The following UPRT variants were observed in gnomAD, a reference collection of about 807,000 sequenced individuals.
UPRT encodes the protein uracil phosphoribosyltransferase homolog.
In UPRT, 5 loss-of-function variants were observed where a neutral mutation model predicts 22.6. That is an observed-to-expected ratio of 0.22 (90% CI 0.12 to 0.47). UPRT has a LOEUF of 0.47. UPRT is among the 20% of genes least tolerant of loss of function. The pLI, the probability that UPRT is intolerant of heterozygous loss-of-function variation, is 0.99. For synonymous variants in UPRT, 77 were observed against 87.7 expected (o/e 0.88, Z 0.68); for missense variants, 181 against 239.9 (o/e 0.75, Z 1.62).
chrX:75,235,501 C>A (rs1337001848), intron 4 of UPRT, among the ~76,000 whole-genome samples: 1 of 111,928 alleles, frequency 8.9e-6, no homozygotes, highest in Admixed American at 9.5e-5. Flanking sequence ...GAATTTTAGA[C>A]CAATATCCTT....
intron 4 of UPRT, among the ~76,000 whole-genome samples, chrX:75,240,834 C>T (rs1446723560): frequency 2.7e-5 from 3 of 111,488 alleles, no homozygotes; most frequent in Non-Finnish European, 3.8e-5. Flanking sequence ...GGGGAAAGGA[C>T]ACCCTATTCA....
rs964124676 is a variant in UPRT, at chrX:75,282,409, T to A, written c.386+7769T>A. ...GATGTAGGTGTTTAGGGCTGTGAAC[T>A]TCCCTCTTAGCACTGCCTTTGCTGT... On this transcript the variant is annotated intron_variant, in intron 1 of 6. Transcript: ENST00000373383. 4.5e-5 allele frequency among the ~76,000 whole-genome samples: 5 copies of A among 110,884 alleles called. No homozygotes were observed. In the Admixed American group the frequency reaches 4.8e-4, roughly 11 times the overall value.
chrX:75,297,171 T>G (rs1210538463), intron 3 of UPRT, among the ~76,000 whole-genome samples: 2 of 111,854 alleles, frequency 1.8e-5, no homozygotes, highest in Non-Finnish European at 3.8e-5. Flanking sequence ...ATGGGGTATA[T>G]AGCATTCTCA....
chrX:75,296,588 T>C (rs760648192), intron 3 of UPRT, among the ~76,000 whole-genome samples, 177 bp downstream of exon 3: 3 of 111,773 alleles, frequency 2.7e-5, no homozygotes, highest in Non-Finnish European at 5.6e-5. Context: ...TCTGTGTAGA[T>C]GACTTTTTGT....
intron 2 of UPRT, among the ~76,000 whole-genome samples, chrX:75,162,584 G>C (rs776158755): frequency 1.9e-4 from 21 of 111,407 alleles, no homozygotes; most frequent in Non-Finnish European, 4.0e-4. Flanking sequence ...GGGTGGATAG[G>C]CTTGAGTGTG....
intron 4 of UPRT, among the ~76,000 whole-genome samples, chrX:75,191,397 G>C (rs2082314465): frequency 8.9e-6 from 1 of 111,992 alleles, no homozygotes; most frequent in South Asian, 3.8e-4. Flanking sequence ...ATTAGGGGGT[G>C]CTTCCCAGTT....
At chrX:75,178,380 A>G (rs771415360) in intron 4 of UPRT, among the ~76,000 whole-genome samples, 24 of 111,789 alleles carry the variant, frequency 2.1e-4, no homozygotes, top group Non-Finnish European at 3.2e-4. Context: ...GCTCAGCGAT[A>G]GGCGATGGTC....
At chrX:75,166,776 C>T (rs749833210) in intron 3 of UPRT, among the ~76,000 whole-genome samples, 2 of 112,054 alleles carry the variant, frequency 1.8e-5, no homozygotes, top group Admixed American at 9.4e-5. Flanking sequence ...CTAAAGACAT[C>T]CTTACTTTGG....
chrX:75,294,769 C>A, intron 2 of UPRT: 1 of 284,655 alleles, frequency 3.5e-6, no homozygotes, highest in Non-Finnish European at 5.2e-6. Context: ...TTTTATCAAA[C>A]CAAAAGAACA....
chrX:75,181,097 G>A (rs1212938944), intron 4 of UPRT, among the ~76,000 whole-genome samples: 1 of 110,873 alleles, frequency 9.0e-6, no homozygotes, highest in Non-Finnish European at 1.9e-5. Flanking sequence ...TTAGCACCAT[G>A]TATTGAATAG....
rs969693639 is a variant in UPRT, at chrX:75,213,763, A to G, written c.-447+45884A>G. Among the ~76,000 whole-genome samples the G allele has an allele frequency of 8.0e-5, 9 of 112,028 alleles. No homozygotes were observed. The Admixed American group carries it at 8.5e-4, about 11-fold the overall frequency. On this transcript the variant is annotated intron_variant, in intron 4 of 13. Transcript: ENST00000652605. ...GTTTACTACATAATGATGAGGGCCA[A>G]TTATACAACAGGGCTAACAATCCTT...
At chrX:75,219,743 A>G (rs1451615943) in intron 4 of UPRT, among the ~76,000 whole-genome samples, 1 of 111,423 alleles carries the variant, frequency 9.0e-6, no homozygotes, top group Non-Finnish European at 1.9e-5. Flanking sequence ...AGAGTTAAAG[A>G]GAAATGCAGA....
At position 75,231,665 on chromosome X, in the gene UPRT, A is replaced by G. The variant is rs1464783568; in HGVS notation, c.-446-59359A>G. On this transcript the variant is annotated intron_variant, in intron 4 of 13. Coordinates refer to the UPRT transcript ENST00000652605. ...CACAGTCATCAGGTTATCTAAAGTC[A>G]AGACAAAGAAAAGAATCTTAAGAGC... is the stretch of plus-strand genomic sequence containing the variant. Among the ~76,000 whole-genome samples the G allele has an allele frequency of 6.2e-5, 7 of 112,030 alleles. No homozygotes were observed. The Admixed American group carries it at 6.6e-4, about 11-fold the overall frequency.
intron 4 of UPRT, among the ~76,000 whole-genome samples, chrX:75,243,947 C>T (rs770161539): frequency 1.6e-4 from 18 of 111,871 alleles, no homozygotes; most frequent in African/African-American, 5.8e-4. Context: ...GTTGATGCCA[C>T]TTTTCAAATG....
intron 4 of UPRT, 56 bp from the exon 5 acceptor site, chrX:75,299,679 C>T: frequency 1.5e-5 from 17 of 1,126,684 alleles, no homozygotes; most frequent in Non-Finnish European, 1.9e-5. Context: ...TTGGCCTGTT[C>T]TTGGACTTTC....
chrX:75,265,472 TGGCTACTGA>T (rs2082585082), intron 4 of UPRT, among the ~76,000 whole-genome samples: 1 of 112,382 alleles, frequency 8.9e-6, no homozygotes, highest in South Asian at 3.7e-4. Flanking sequence ...TTGATCGAAT[TGGCTACTGA>T]GGCTTGTGCC....
At chrX:75,210,342 A>G (rs1477066071) in intron 4 of UPRT, among the ~76,000 whole-genome samples, 5 of 111,296 alleles carry the variant, frequency 4.5e-5, no homozygotes, top group Non-Finnish European at 7.5e-5. Context: ...CATATATGTC[A>G]TGCCAGGTAA....
In UPRT at chrX:75,299,863, C is replaced by T. The variant is rs755944011; in HGVS notation, c.691C>T (p.Arg231Trp). The T allele has an allele frequency of 3.3e-6, 4 of 1,211,385 alleles. No individual in the cohort carries two copies. Among genetic ancestry groups the T allele is most frequent in the Admixed American group, 2.2e-5 (1 of 46,023 alleles). ...TGCCAAATTCCCCCCAGACATTTAC[C>T]GGAGAAAAGTCCTTCTGATGTATCC... ...YYAKFPPDIY[R>W]RKVLLMYPIL... Residue 231 changes from arginine (R) to tryptophan (W), a missense_variant, in exon 5 of 7, where the codon CGG becomes TGG. By Grantham distance (101) the Arg-to-Trp change is moderately radical (BLOSUM62 -3). Coordinates refer to ENST00000373383, the MANE Select transcript of UPRT (RefSeq NM_145052.4).
chrX:75,162,106 C>CTTTTTTTT (rs5902736), intron 2 of UPRT, among the ~76,000 whole-genome samples: 30 of 78,843 alleles, frequency 3.8e-4, no homozygotes, highest in East Asian at 7.7e-4. Context: ...TCTTTCTTTT[C>CTTTTTTTT]TTTTTTTTTT....
Sources: allele counts gnomAD v4.1 joint callset (sites outside exome capture counted in the v4.1 genomes callset), GRCh38; gene constraint gnomAD v4.1.1; transcripts MANE v1.5; gene names NCBI Gene and HGNC (gene_info 2026-07-23, HGNC 2026-07-21).